The following OPRM1 variants were observed in gnomAD, a reference collection of about 807,000 sequenced individuals.
OPRM1 encodes mu-type opioid receptor.
A neutral mutation model predicts 31.8 loss-of-function variants in OPRM1; 27 were observed. That is an observed-to-expected ratio of 0.85 (90% CI 0.63 to 1.17). The LOEUF is 1.17. Among genes scored for constraint, OPRM1 ranks in the 50% most tolerant of loss-of-function variants. OPRM1 has a pLI of 0.00. For missense variants in OPRM1, 536 were observed against 511.1 expected, an observed-to-expected ratio of 1.05 and a Z score of -0.47; for synonymous variants, 196 against 189.9, an observed-to-expected ratio of 1.03 and a Z score of -0.26.
chr6:154,170,995 C>A (rs1052455945), intron 3 of OPRM1, among the ~76,000 whole-genome samples: 1 of 152,204 alleles, frequency 6.6e-6, no homozygotes, highest in African/African-American at 2.4e-5. Flanking sequence ...CTCAGCCTCT[C>A]AAGTAGCTGG....
At chr6:154,023,009 G>T (rs1167735507) in intron 1 of OPRM1, among the ~76,000 whole-genome samples, 1 of 149,060 alleles carries the variant, frequency 6.7e-6, no homozygotes, top group Non-Finnish European at 1.5e-5. Context: ...TGTTCTTCTT[G>T]CTCGGAGAGC....
intron 3 of OPRM1, among the ~76,000 whole-genome samples, chr6:154,182,730 C>T (rs929655679): frequency 4.6e-5 from 7 of 152,024 alleles, no homozygotes; most frequent in East Asian, 1.9e-4. Flanking sequence ...TTCTAGGATA[C>T]GAATCCAATG....
At chr6:154,234,050 A>G (rs1779926041) in intron 3 of OPRM1, among the ~76,000 whole-genome samples, 1 of 152,182 alleles carries the variant, frequency 6.6e-6, no homozygotes, top group South Asian at 2.1e-4. Context: ...TCTTAAAAAC[A>G]TACAAAAATT....
At chr6:154,059,394 C>CA (rs139814873) in intron 1 of OPRM1, among the ~76,000 whole-genome samples, 2,018 of 152,294 alleles carry the variant, frequency 0.013, 50 homozygotes, top group African/African-American at 0.047. Context: ...CTGTCCTCGA[C>CA]AGCATCATTA....
intron 3 of OPRM1, among the ~76,000 whole-genome samples, chr6:154,162,372 T>G (rs1688872541): frequency 6.6e-6 from 1 of 152,228 alleles, no homozygotes; most frequent in Non-Finnish European, 1.5e-5. Context: ...CTGCATAGAT[T>G]CAGTCCCATC....
chr6:154,026,597 G>T lies in OPRM1; in HGVS notation c.1-12564G>T, dbSNP rs75123425. 4.8e-3 allele frequency among the ~76,000 whole-genome samples: 728 copies of T among 152,108 alleles called. 2 individuals are homozygous for T. The highest frequency in any genetic ancestry group is 0.016 in the African/African-American group (648 of 41,522). ...AGATTTGCCCATTTGAGGGCTGTTT[G>T]CTAGATCCTGTAAGTGTGCTTCTTT... On this transcript the variant is annotated intron_variant, in intron 1 of 5. Coordinates refer to the OPRM1 transcript ENST00000434900.
chr6:154,025,071 T>G (rs1014741229), intron 1 of OPRM1, among the ~76,000 whole-genome samples: 1 of 152,206 alleles, frequency 6.6e-6, no homozygotes, highest in Non-Finnish European at 1.5e-5. Context: ...TGAAGTCTCT[T>G]TGTTGATTTT....
intron 3 of OPRM1, among the ~76,000 whole-genome samples, chr6:154,164,781 T>C (rs906219649): frequency 1.3e-5 from 2 of 152,154 alleles, no homozygotes; most frequent in Non-Finnish European, 2.9e-5. Context: ...CCATTAATCA[T>C]TCCATTAATA....
rs202040382 is a variant in OPRM1 at position 154,244,421 on chromosome 6, C to A, written c.1165-2272C>A. ...ATACCATTAGTTTAATCCTATAGTTCCCTAGCCAGATAGCGGCAAGCTTAT... is the reference window on the plus strand; with the variant it reads ...ATACCATTAGTTTAATCCTATAGTTACCTAGCCAGATAGCGGCAAGCTTAT... On this transcript the variant is annotated intron_variant, in intron 3 of 3. Coordinates refer to the OPRM1 transcript ENST00000337049. Among the ~76,000 whole-genome samples, 16 of 152,050 alleles carry A rather than the reference C, an allele frequency of 1.1e-4. No individual in the cohort carries two copies. The East Asian group carries it at 2.5e-3, about 24-fold the overall frequency.
At chr6:154,180,962 A>G (rs1476078509) in intron 3 of OPRM1, among the ~76,000 whole-genome samples, 1 of 152,142 alleles carries the variant, frequency 6.6e-6, no homozygotes, top group African/African-American at 2.4e-5. Context: ...CGTGGAAGGC[A>G]CTTGTCACCA....
chr6:154,030,338 ACTTTT>A (rs1452510212), intron 1 of OPRM1, among the ~76,000 whole-genome samples: 3 of 152,174 alleles, frequency 2.0e-5, no homozygotes, highest in East Asian at 3.8e-4. Flanking sequence ...GGATTTTAGA[ACTTTT>A]CTTTTATACC....
At chr6:154,032,839 G>T (rs73788976) in intron 1 of OPRM1, among the ~76,000 whole-genome samples, 4,379 of 152,288 alleles carry the variant, frequency 0.029, 198 homozygotes, top group African/African-American at 0.1. Context: ...GCCATTAAGA[G>T]AACTATGATT....
At chr6:154,033,960 G>A (rs146617308) in intron 1 of OPRM1, among the ~76,000 whole-genome samples, 1 of 152,298 alleles carries the variant, frequency 6.6e-6, no homozygotes, top group East Asian at 1.9e-4. Context: ...GTGACCCCAT[G>A]GCATACTAAG....
rs1393380625 is a variant in OPRM1 at position 154,091,288 on chromosome 6, G to C, written c.980G>C (p.Gly327Ala). 1 of 1,614,044 alleles carries C rather than the reference G, an allele frequency of 6.2e-7. No individual in the cohort carries two copies. Among genetic ancestry groups the C allele is most frequent in the African/African-American group, 1.3e-5 (1 of 74,898 alleles). ...TVSWHFCIAL[G>A]YTNSCLNPVL... ...TCTTGGCACTTCTGCATTGCTCTAG[G>C]TTACACAAACAGCTGCCTCAACCCA... Residue 327 changes from glycine (G) to alanine (A), a missense_variant, in exon 3 of 4, where the codon GGT becomes GCT. Coordinates refer to ENST00000330432, the MANE Select transcript of OPRM1 (RefSeq NM_000914.5).
intron 3 of OPRM1, among the ~76,000 whole-genome samples, chr6:154,154,075 A>G (rs936857497): frequency 2.0e-5 from 3 of 152,234 alleles, no homozygotes; most frequent in African/African-American, 7.2e-5. Flanking sequence ...AGAAGACAGA[A>G]GGTGGAGCTT....
chr6:154,014,021 A>G (rs1432377907), intron 1 of OPRM1, among the ~76,000 whole-genome samples: 1 of 152,136 alleles, frequency 6.6e-6, no homozygotes, highest in Non-Finnish European at 1.5e-5. Flanking sequence ...AGAGACAAGG[A>G]AGGGTAAGAA....
At chr6:154,079,946 C>T (rs980289695) in intron 1 of OPRM1, among the ~76,000 whole-genome samples, 10 of 151,998 alleles carry the variant, frequency 6.6e-5, no homozygotes, top group African/African-American at 1.7e-4. Flanking sequence ...AATGGTAGGC[C>T]GCATACTTTA....
At chr6:154,240,839 T>C (rs1442765514) in intron 3 of OPRM1, among the ~76,000 whole-genome samples, 1 of 152,204 alleles carries the variant, frequency 6.6e-6, no homozygotes, top group Non-Finnish European at 1.5e-5. Flanking sequence ...CAATCACAAT[T>C]GTACAGACAT....
chr6:154,087,564 T>G, intron 1 of OPRM1: 8 of 985,482 alleles, frequency 8.1e-6, no homozygotes, highest in Non-Finnish European at 9.6e-6. Flanking sequence ...CTACATACCA[T>G]GCGTCTTCTC....
Sources: allele counts gnomAD v4.1 joint callset (sites outside exome capture counted in the v4.1 genomes callset), GRCh38; gene constraint gnomAD v4.1.1; transcripts MANE v1.5; gene names NCBI Gene and HGNC (gene_info 2026-07-23, HGNC 2026-07-21).